The following GNB1L variants were observed in gnomAD, a reference collection of about 807,000 sequenced individuals.
The protein encoded by GNB1L is G protein subunit beta 1 like.
In GNB1L, 20 loss-of-function variants were observed where a neutral mutation model predicts 29.1. The ratio of observed to expected loss-of-function variants is 0.69; its 90% CI spans 0.48 to 1.00. GNB1L has a LOEUF of 1.00. GNB1L is among the 50% of genes least tolerant of loss of function. The pLI, the probability that GNB1L is intolerant of heterozygous loss-of-function variation, is 0.00. For synonymous variants in GNB1L, 193 were observed against 206.5 expected (o/e 0.93, Z 0.56); for missense variants, 421 against 464.9 (o/e 0.91, Z 0.87).
rs758623156 is a variant in GNB1L at position 19,788,712 on chromosome 22, T to A, written c.981A>T (p.Ala327=). ...TCCCGGGAAGGGAGTGGGTGAGTCA[T>A]GCGCGTGGGTAGAGTGACCAGAGGC... ...RISLWSLYPR[A] is the part of the protein sequence containing the mutation. The change falls in exon 8 of 8, where the codon GCA becomes GCT. Residue 327 remains alanine (A), a synonymous_variant. Coordinates refer to ENST00000329517, the MANE Select transcript of GNB1L (RefSeq NM_053004.3). 3 of 1,611,180 alleles carry A rather than the reference T, an allele frequency of 1.9e-6. No individual in the cohort carries two copies. The highest frequency in any genetic ancestry group is 2.5e-6 in the Non-Finnish European group (3 of 1,178,698).
intron 2 of GNB1L, chr22:19,850,143 C>T: frequency 2.0e-6 from 2 of 985,590 alleles, no homozygotes; most frequent in Non-Finnish European, 2.4e-6. Context: ...ACCACAGCTG[C>T]AATGCTGACC....
intron 2 of GNB1L, chr22:19,849,374 T>TG (rs1938040434): frequency 2.5e-6 from 2 of 813,314 alleles, no homozygotes; most frequent in Non-Finnish European, 1.5e-6. Flanking sequence ...TTTTTGTTGT[T>TG]TTTTTTTTTT....
intron 7 of GNB1L, among the ~76,000 whole-genome samples, chr22:19,798,685 C>T (rs990789208): frequency 2.0e-5 from 3 of 152,106 alleles, no homozygotes; most frequent in Non-Finnish European, 2.9e-5. Context: ...GGGACAGGAG[C>T]GACCCCACAC....
chr22:19,853,720 G>GT (rs1601361128), intron 2 of GNB1L, among the ~76,000 whole-genome samples: 1 of 143,560 alleles, frequency 7.0e-6, no homozygotes, highest in African/African-American at 2.7e-5. Context: ...CCCCCCTCTG[G>GT]GGGGGGGGTC....
intron 5 of GNB1L, 24 bp from the exon 6 acceptor site, chr22:19,806,781 T>C (rs747537200): frequency 1.3e-6 from 2 of 1,537,854 alleles, no homozygotes; most frequent in Non-Finnish European, 1.8e-6. Flanking sequence ...AACAAGTTGA[T>C]TTGGGCCGTC....
intron 2 of GNB1L, among the ~76,000 whole-genome samples, chr22:19,838,934 G>A (rs149070555): frequency 1.3e-5 from 2 of 152,282 alleles, no homozygotes; most frequent in South Asian, 4.1e-4. Context: ...TCCTAAAACA[G>A]AAAATAACCC....
rs997364699 is a variant in GNB1L, at chr22:19,816,415, G to A, written c.255-3968C>T. The stretch of plus-strand genomic sequence containing the variant: ...GCAGGCTGGCTCAGAATCCTCTGAC[G>A]TGGCCATCTGCGAGATGTCCAGACC... On this transcript the variant is annotated intron_variant, in intron 4 of 7. Transcript: ENST00000329517. This position sits in a 1 kb window ranked among gnomAD's most constrained non-coding sequence, Gnocchi z 4.4. Among the ~76,000 whole-genome samples, 2 of 152,174 alleles carry A rather than the reference G, an allele frequency of 1.3e-5. No homozygotes were observed. Among genetic ancestry groups the A allele is most frequent in the East Asian group, 1.9e-4 (1 of 5,194 alleles).
intron 2 of GNB1L, among the ~76,000 whole-genome samples, chr22:19,821,840 C>T (rs1029878815): frequency 6.6e-6 from 1 of 152,210 alleles, no homozygotes; most frequent in Non-Finnish European, 1.5e-5. Flanking sequence ...CAGTGCTTTC[C>T]CACTCTGGCC....
At position 19,817,099 on chromosome 22, in the gene GNB1L, A is replaced by G. The variant is rs541734661; in HGVS notation, c.254+3499T>C. Among the ~76,000 whole-genome samples, 6 of 152,382 alleles carry G rather than the reference A, an allele frequency of 3.9e-5. No homozygotes were observed. The East Asian group carries it at 1.2e-3, about 29-fold the overall frequency. Reference sequence around the variant, plus strand: ...AGAGAGGTCTCTCGGACCTCGGTGCAGGAACTCCCGGCAAGACACAAAGGC... The same window carrying G: ...AGAGAGGTCTCTCGGACCTCGGTGCGGGAACTCCCGGCAAGACACAAAGGC... On this transcript the variant is annotated intron_variant, in intron 4 of 7. Coordinates refer to ENST00000329517, the MANE Select transcript of GNB1L (RefSeq NM_053004.3).
At chr22:19,838,597 G>C (rs76706998) in intron 2 of GNB1L, among the ~76,000 whole-genome samples, 2,849 of 151,866 alleles carry the variant, frequency 0.019, 59 homozygotes, top group South Asian at 0.082. Context: ...CAGCCTCCTG[G>C]GTAGCTGGAT....
At chr22:19,851,917 G>A in intron 2 of GNB1L, 1 of 1,614,120 alleles carries the variant, frequency 6.2e-7, no homozygotes, top group Non-Finnish European at 8.5e-7. Flanking sequence ...CCAAGAAGCG[G>A]TCCAGTAGCC....
intron 7 of GNB1L, among the ~76,000 whole-genome samples, chr22:19,796,226 A>G (rs1937304541): frequency 6.6e-6 from 1 of 152,232 alleles, no homozygotes; most frequent in Non-Finnish European, 1.5e-5. Context: ...TTAAACTGGC[A>G]TGTTCCCAGG....
chr22:19,788,625 C>T lies in GNB1L; in HGVS notation c.*84G>A. 1 of 1,531,014 alleles carries T rather than the reference C, an allele frequency of 6.5e-7. No homozygotes were observed. The allele number at this position is 1,531,014 out of a possible 1,614,324, so 94.8% of individuals were successfully genotyped here. A position where few individuals can be genotyped will look rare whatever the true frequency, so the allele number is the denominator to read the frequency against. ...GCCATGACTTGCTGGTCCTCAGAGGCCCTTGAGGTTTCAGGCCAAGGCTGG... is the reference window on the plus strand; with the variant it reads ...GCCATGACTTGCTGGTCCTCAGAGGTCCTTGAGGTTTCAGGCCAAGGCTGG... On this transcript the variant is annotated 3_prime_UTR_variant, in exon 8 of 8. Coordinates refer to ENST00000329517, the MANE Select transcript of GNB1L (RefSeq NM_053004.3).
At chr22:19,814,744 G>A (rs1937518529) in intron 4 of GNB1L, among the ~76,000 whole-genome samples, 1 of 152,140 alleles carries the variant, frequency 6.6e-6, no homozygotes, top group Non-Finnish European at 1.5e-5. Context: ...AAAACATCTG[G>A]GCGGTAACTC....
intron 2 of GNB1L, chr22:19,851,239 GGACACC>G: frequency 6.2e-7 from 1 of 1,603,614 alleles, no homozygotes; most frequent in Non-Finnish European, 8.5e-7. Context: ...GGGTACCTAA[GGACACC>G]TCCTGGTCTC....
rs1035709556 is a variant in GNB1L, at chr22:19,788,513, G to A, written c.*196C>T. The A allele has an allele frequency of 4.0e-6, 3 of 745,574 alleles. No homozygotes were observed. In the African/African-American group the frequency reaches 5.2e-5, roughly 13 times the overall value. 46.2% of individuals were successfully genotyped at this position (745,574 alleles called of 1,614,324 possible). On this transcript the variant is annotated 3_prime_UTR_variant, in exon 8 of 8. Coordinates refer to ENST00000329517, the MANE Select transcript of GNB1L (RefSeq NM_053004.3). Reference sequence around the variant, plus strand: ...CCTCGGACGGCCAGGGCTCTGGCTGGCCCCCAGAGTCACCGTCCTGTGATG... The same window carrying A: ...CCTCGGACGGCCAGGGCTCTGGCTGACCCCCAGAGTCACCGTCCTGTGATG...
At chr22:19,793,039 G>A (rs930578476) in intron 7 of GNB1L, 119 of 1,594,848 alleles carry the variant, frequency 7.5e-5, no homozygotes, top group Middle Eastern at 6.7e-4. Context: ...TCTGTGGCTC[G>A]TATCGCCAAG....
chr22:19,784,515 C>T lies in GNB1L; in HGVS notation c.*4194G>A, dbSNP rs1193713310. 6.6e-6 allele frequency: 1 copy of T among 152,342 alleles called. No homozygotes were observed. Among genetic ancestry groups the T allele is most frequent in the Non-Finnish European group, 1.5e-5 (1 of 68,112 alleles). 9.4% of individuals were successfully genotyped at this position (152,342 alleles called of 1,614,324 possible). A position where few individuals can be genotyped will look rare whatever the true frequency, so the allele number is the denominator to read the frequency against. ...ACACGCAGGGAGGAAGGAAAAGGCTCTAGGCACAGCTGCTTGTCTAAGAGG... is the reference window on the plus strand; with the variant it reads ...ACACGCAGGGAGGAAGGAAAAGGCTTTAGGCACAGCTGCTTGTCTAAGAGG... On this transcript the variant is annotated 3_prime_UTR_variant, in exon 8 of 8. Transcript: ENST00000329517.
chr22:19,851,673 G>A (rs1409127826), intron 2 of GNB1L: 1 of 1,595,850 alleles, frequency 6.3e-7, no homozygotes, highest in Non-Finnish European at 8.6e-7. Context: ...GAGGCCAGGG[G>A]CAGGGGACAG....
Sources: gnomAD v4.1 joint callset for allele counts (sites outside exome capture counted in the v4.1 genomes callset) on GRCh38, gnomAD v4.1.1 for gene constraint, Gnocchi (gnomAD v3.1) non-coding constraint, MANE v1.5 for transcripts, NCBI Gene and HGNC (gene_info 2026-07-23, HGNC 2026-07-21) for gene names.